The following CDH4 variants were observed in gnomAD, a reference collection of about 807,000 sequenced individuals.
CDH4 encodes cadherin-4.
In CDH4, 33 loss-of-function variants were observed where a neutral mutation model predicts 86.0. The observed-to-expected ratio is 0.38, with a 90% CI of 0.29 to 0.51. The LOEUF is 0.51. Ranked by LOEUF, CDH4 falls within the 20% of genes least tolerant of loss-of-function variation. The probability of loss-of-function intolerance (pLI) is 0.86; values close to 1 mark genes in which losing one functional copy is unlikely to be tolerated. For synonymous variants in CDH4, 555 were observed against 549.4 expected (o/e 1.01, Z -0.14); for missense variants, 1,114 against 1,307.4 (o/e 0.85, Z 2.28).
chr20:61,496,168 G>A (rs1299319638), intron 2 of CDH4, among the ~76,000 whole-genome samples: 2 of 152,100 alleles, frequency 1.3e-5, no homozygotes, highest in African/African-American at 4.8e-5. Flanking sequence ...GGGAGGCTGA[G>A]GCAGAAGGAT....
chr20:61,908,726 A>G (rs868713184), intron 8 of CDH4, among the ~76,000 whole-genome samples: 9 of 151,770 alleles, frequency 5.9e-5, no homozygotes, highest in Middle Eastern at 3.2e-3. Flanking sequence ...GGGGAGGGGC[A>G]CTCCGGGAAG....
chr20:61,345,070 A>G (rs2084670532), intron 2 of CDH4, among the ~76,000 whole-genome samples: 1 of 152,204 alleles, frequency 6.6e-6, no homozygotes, highest in African/African-American at 2.4e-5. Context: ...AGTGATTTTT[A>G]TCTCGTTTGG....
At chr20:61,673,092 C>T (rs139691674) in intron 2 of CDH4, among the ~76,000 whole-genome samples, 54 of 152,220 alleles carry the variant, frequency 3.5e-4, no homozygotes, top group Admixed American at 1.0e-3. Context: ...GGGATGCAGA[C>T]GGCCTCTAGA....
rs748247999 is a variant in CDH4 at position 61,825,264 on chromosome 20, C to G, written c.577-19404C>G. 5.4e-4 allele frequency among the ~76,000 whole-genome samples: 82 copies of G among 152,084 alleles called. 3 individuals are homozygous for G. The highest frequency in any genetic ancestry group is 2.1e-4 in the Non-Finnish European group (14 of 68,006). On this transcript the variant is annotated intron_variant, in intron 4 of 15. Coordinates refer to ENST00000614565, the MANE Select transcript of CDH4 (RefSeq NM_001794.5). ...TCTACTAAAAAATACAAAAAATTAG[C>G]CCCGCATGGTGGTGTACGCCTGTAG... is the stretch of plus-strand genomic sequence containing the variant.
intron 3 of CDH4, 50 bp downstream of exon 3, chr20:61,743,839 C>T: frequency 7.3e-7 from 1 of 1,361,948 alleles, no homozygotes; most frequent in Non-Finnish European, 1.0e-6. Context: ...GACCTAGTTC[C>T]TCCTGCAGGC....
At chr20:61,321,744 G>A (rs916503430) in intron 2 of CDH4, among the ~76,000 whole-genome samples, 3 of 152,116 alleles carry the variant, frequency 2.0e-5, no homozygotes, top group South Asian at 2.1e-4. Flanking sequence ...TGCGTGCCAC[G>A]CATGTCACAT....
At chr20:61,832,071 A>T (rs1352770496) in intron 4 of CDH4, among the ~76,000 whole-genome samples, 2 of 152,214 alleles carry the variant, frequency 1.3e-5, no homozygotes, top group African/African-American at 4.8e-5. Flanking sequence ...GGCCTGGTAG[A>T]TGTACCCATT....
At chr20:61,599,540 G>T (rs937122156) in intron 2 of CDH4, among the ~76,000 whole-genome samples, 2 of 152,224 alleles carry the variant, frequency 1.3e-5, no homozygotes, top group African/African-American at 2.4e-5. Flanking sequence ...GGGGATACGT[G>T]GAAGACAGAC....
intron 2 of CDH4, among the ~76,000 whole-genome samples, chr20:61,317,497 G>A (rs1479847526): frequency 4.6e-5 from 7 of 152,058 alleles, no homozygotes. Context: ...GTGGCCCATT[G>A]CATCTCCCAG....
chr20:61,406,766 A>G (rs1221150362), intron 2 of CDH4, among the ~76,000 whole-genome samples: 1 of 132,510 alleles, frequency 7.5e-6, no homozygotes, highest in Admixed American at 7.8e-5. Context: ...TGCCTGGACC[A>G]CCATCTGCTC....
chr20:61,864,337 A>G (rs1042311279), intron 6 of CDH4, among the ~76,000 whole-genome samples: 1 of 152,328 alleles, frequency 6.6e-6, no homozygotes, highest in African/African-American at 2.4e-5. Context: ...AGCCCAGGAG[A>G]CCAGTGCAGT....
chr20:61,620,052 T>C (rs2086757452), intron 2 of CDH4, among the ~76,000 whole-genome samples: 1 of 149,176 alleles, frequency 6.7e-6, no homozygotes, highest in African/African-American at 2.5e-5. Context: ...CACAGCTGCT[T>C]GCAAGGCCTG....
chr20:61,882,015 C>T (rs376429668), intron 7 of CDH4, among the ~76,000 whole-genome samples: 4 of 152,326 alleles, frequency 2.6e-5, no homozygotes, highest in Middle Eastern at 3.4e-3. Context: ...TGCCTGGAGC[C>T]GCCAGGAGGT....
intron 2 of CDH4, among the ~76,000 whole-genome samples, chr20:61,444,082 A>C (rs201249243): frequency 7.3e-6 from 1 of 137,002 alleles, no homozygotes; most frequent in Non-Finnish European, 1.6e-5. Flanking sequence ...CTGTGTGTGT[A>C]TCTGTCTGTG....
At position 61,628,992 on chromosome 20, in the gene CDH4, G is replaced by A. The variant is rs537387772; in HGVS notation, c.170-114571G>A. On this transcript the variant is annotated intron_variant, in intron 2 of 15. Transcript: ENST00000614565. ...GATAAATGCTTAATGAGCGTGTGCC[G>A]GCAAGTGCCTCTCAGCCAAGGCATC... 5.9e-5 allele frequency among the ~76,000 whole-genome samples: 9 copies of A among 152,310 alleles called. No individual in the cohort carries two copies. The South Asian group carries it at 6.2e-4, about 11-fold the overall frequency.
chr20:61,546,414 T>C (rs2086087645), intron 2 of CDH4, among the ~76,000 whole-genome samples: 1 of 151,714 alleles, frequency 6.6e-6, no homozygotes, highest in Non-Finnish European at 1.5e-5. Context: ...TGTGTGTGTG[T>C]GCGTTAGATG....
At chr20:61,369,550 A>G (rs28539080) in intron 2 of CDH4, among the ~76,000 whole-genome samples, 4,572 of 151,156 alleles carry the variant, frequency 0.03, 240 homozygotes, top group African/African-American at 0.11. Context: ...GCATCTTGCT[A>G]TGTGTACTGT....
chr20:61,564,163 A>G (rs2086244258), intron 2 of CDH4, among the ~76,000 whole-genome samples: 2 of 152,102 alleles, frequency 1.3e-5, no homozygotes, highest in South Asian at 2.1e-4. Flanking sequence ...ATCCAGGACA[A>G]CCTCATCCTA....
intron 2 of CDH4, among the ~76,000 whole-genome samples, chr20:61,662,574 C>G (rs898681754): frequency 2.6e-5 from 4 of 152,186 alleles, no homozygotes; most frequent in African/African-American, 9.6e-5. Context: ...CCCTGAGTCC[C>G]CAGCTGTGGC....
Sources: gnomAD v4.1 joint callset for allele counts (sites outside exome capture counted in the v4.1 genomes callset) on GRCh38, gnomAD v4.1.1 for gene constraint, MANE v1.5 for transcripts, NCBI Gene and HGNC (gene_info 2026-07-23, HGNC 2026-07-21) for gene names.